Variants in ANKRA2 observed in about 807,000 individuals in gnomAD.
ANKRA2 encodes ankyrin repeat family A member 2.
ANKRA2 carries 33 observed loss-of-function variants against 37.8 expected under a neutral mutation model. The ratio of observed to expected loss-of-function variants is 0.87; its 90% confidence interval spans 0.66 to 1.17. The LOEUF (loss-of-function observed/expected upper bound fraction) is 1.17. ANKRA2 is among the 50% of genes most tolerant of loss of function. ANKRA2 has a pLI of 0.00. For synonymous variants in ANKRA2, 126 were observed against 132.3 expected, an observed-to-expected ratio of 0.95 and a Z score of 0.33; for missense variants, 326 against 373.7, an observed-to-expected ratio of 0.87 and a Z score of 1.05.
intron 3 of ANKRA2, among the ~76,000 whole-genome samples, chr5:73,560,717 TG>T (rs1273632712): frequency 6.6e-6 from 1 of 152,068 alleles, no homozygotes; most frequent in African/African-American, 2.4e-5. Context: ...TAGTCACCAT[TG>T]TGTACAACAG....
In ANKRA2 at chr5:73,552,742, CATTT is replaced by C; in HGVS notation, c.*51_*54del. On this transcript the variant is annotated 3_prime_UTR_variant, in exon 9 of 9. Coordinates refer to ENST00000296785, the MANE Select transcript of ANKRA2 (RefSeq NM_023039.5). The stretch of plus-strand genomic sequence containing the variant: ...AAAATTTATAAGTAAACAAAACTAT[CATTT>C]ATAAGGACCAAGAAGTAAACAAAAG... 1 of 1,487,982 alleles carries C rather than the reference CATTT, an allele frequency of 6.7e-7. No individual in the cohort carries two copies. The highest frequency in any genetic ancestry group is 9.3e-7 in the Non-Finnish European group (1 of 1,078,574). 92.2% of individuals were successfully genotyped at this position (1,487,982 alleles called of 1,614,324 possible). A position where few individuals can be genotyped will look rare whatever the true frequency, so the allele number is the denominator to read the frequency against.
At chr5:73,561,419 G>T in intron 2 of ANKRA2, 131 bp from the exon 3 acceptor site, 3 of 853,902 alleles carry the variant, frequency 3.5e-6, no homozygotes, top group Admixed American at 3.3e-5. Flanking sequence ...ATACTAAATT[G>T]TTTTTATCAT....
Position 73,555,226 on chromosome 5 carries a change from T to C in ANKRA2, c.613-240A>G, listed in dbSNP as rs1213883660. The C allele has an allele frequency of 3.8e-6, 5 of 1,305,032 alleles. No individual in the cohort carries two copies. In the Admixed American group the frequency reaches 1.5e-4, roughly 39 times the overall value. 80.8% of individuals were successfully genotyped at this position (1,305,032 alleles called of 1,614,324 possible). A position where few individuals can be genotyped will look rare whatever the true frequency, so the allele number is the denominator to read the frequency against. On this transcript the variant is annotated intron_variant, in intron 5 of 8. Coordinates refer to ENST00000296785, the MANE Select transcript of ANKRA2 (RefSeq NM_023039.5). ...CTGGAGTCAAGTCACAGCTCCTCCATGAAGCCTTCTCCTTCAAAGCTGACA... is the reference window on the plus strand; with the variant it reads ...CTGGAGTCAAGTCACAGCTCCTCCACGAAGCCTTCTCCTTCAAAGCTGACA...
chr5:73,555,987 A>G (rs2112010091), intron 4 of ANKRA2, among the ~76,000 whole-genome samples: 1 of 152,322 alleles, frequency 6.6e-6, no homozygotes, highest in East Asian at 1.9e-4. Flanking sequence ...ATCAACGTAC[A>G]GTTGGGAGGA....
Position 73,557,592 on chromosome 5 carries a change from G to T in ANKRA2, c.497C>A (p.Ala166Asp). Residue 166 changes from alanine to aspartate, a missense_variant, in exon 4 of 9, where the codon GCT becomes GAT. This residue lies in a region of ANKRA2 where 228 missense variants were observed against 260.2 expected (regional missense o/e 0.88). Coordinates refer to ENST00000296785, the MANE Select transcript of ANKRA2 (RefSeq NM_023039.5). ...GCTATTACCTTGTTCGATACGAGTAGCCAGATAGAGCATCTCTCCCTGAGC... is the reference window on the plus strand; with the variant it reads ...GCTATTACCTTGTTCGATACGAGTATCCAGATAGAGCATCTCTCCCTGAGC... ...LAAQGEMLYL[A>D]TRIEQENVIN... The T allele has an allele frequency of 6.2e-7, 1 of 1,608,644 alleles. No individual in the cohort carries two copies. Among genetic ancestry groups the T allele is most frequent in the South Asian group, 1.1e-5 (1 of 90,720 alleles).
intron 3 of ANKRA2, among the ~76,000 whole-genome samples, chr5:73,558,793 A>G (rs943533439): frequency 3.9e-5 from 6 of 152,160 alleles, no homozygotes; most frequent in Non-Finnish European, 8.8e-5. Context: ...TCAGCCTCCC[A>G]AAGTGCTAGG....
At chr5:73,558,306 T>C (rs1747456916) in intron 3 of ANKRA2, among the ~76,000 whole-genome samples, 1 of 152,024 alleles carries the variant, frequency 6.6e-6, no homozygotes, top group African/African-American at 2.4e-5. Context: ...AAATTGGTAT[T>C]ATCAATGAAA....
At chr5:73,562,414 A>T in intron 2 of ANKRA2, 179 bp downstream of exon 2, 1 of 531,550 alleles carries the variant, frequency 1.9e-6, no homozygotes, top group Non-Finnish European at 3.2e-6. Context: ...TACTTCCTTT[A>T]AATTAGATAT....
intron 3 of ANKRA2, among the ~76,000 whole-genome samples, chr5:73,558,699 G>A (rs954439601): frequency 3.3e-5 from 5 of 152,112 alleles, no homozygotes; most frequent in Admixed American, 6.6e-5. Context: ...ACCACATCCA[G>A]ATAATTTTCA....
intron 7 of ANKRA2, among the ~76,000 whole-genome samples, chr5:73,553,689 T>C (rs533297681): frequency 1.3e-5 from 2 of 152,310 alleles, no homozygotes; most frequent in East Asian, 3.9e-4. Flanking sequence ...CAGCATCCTT[T>C]AGAGCAGCTG....
At position 73,565,177 on chromosome 5, in the gene ANKRA2, C is replaced by G. The variant is rs1747695153; in HGVS notation, c.-150G>C. ...TCCCGAGACAGGAGCCCGCTGTCTCCCGCTGGAGGGGAGACTCTTGCAGGA... is the reference window on the plus strand; with the variant it reads ...TCCCGAGACAGGAGCCCGCTGTCTCGCGCTGGAGGGGAGACTCTTGCAGGA... On this transcript the variant is annotated 5_prime_UTR_variant, in exon 1 of 9. Transcript: ENST00000296785. The G allele has an allele frequency of 6.6e-6, 1 of 152,252 alleles. No individual in the cohort carries two copies. The highest frequency in any genetic ancestry group is 1.9e-4 in the East Asian group (1 of 5,166). The allele number at this position is 152,252 out of a possible 1,614,324, so 9.4% of individuals were successfully genotyped here. A position where few individuals can be genotyped will look rare whatever the true frequency, so the allele number is the denominator to read the frequency against.
chr5:73,556,565 G>A (rs1747401629), intron 4 of ANKRA2, among the ~76,000 whole-genome samples: 1 of 152,114 alleles, frequency 6.6e-6, no homozygotes, highest in Non-Finnish European at 1.5e-5. Flanking sequence ...TTATAATCTT[G>A]AAATGGGAAA....
chr5:73,560,046 G>A (rs1436527417), intron 3 of ANKRA2, among the ~76,000 whole-genome samples: 1 of 152,118 alleles, frequency 6.6e-6, no homozygotes, highest in Admixed American at 6.5e-5. Context: ...TTACAGGTGT[G>A]ACACGCCGTG....
chr5:73,562,722 A>G lies in ANKRA2; in HGVS notation c.160T>C (p.Phe54Leu). ...SAQGVAMGMKFILPNRFDMNV... is the reference protein window; with the variant it reads ...SAQGVAMGMKLILPNRFDMNV... ...ATATCAAATCGGTTAGGCAATATGA[A>G]TTTCATTCCCATGGCAACACCCTGA... Residue 54 changes from phenylalanine to leucine, a missense_variant, in exon 2 of 9, where the codon TTC becomes CTC. By Grantham distance (22) the Phe-to-Leu change is conservative (BLOSUM62 0). Transcript: ENST00000296785. The G allele has an allele frequency of 6.2e-7, 1 of 1,614,180 alleles. No individual in the cohort carries two copies. The highest frequency in any genetic ancestry group is 8.5e-7 in the Non-Finnish European group (1 of 1,180,026).
chr5:73,556,056 T>C (rs939346201), intron 4 of ANKRA2, among the ~76,000 whole-genome samples: 6 of 152,230 alleles, frequency 3.9e-5, no homozygotes, highest in Admixed American at 6.5e-5. Flanking sequence ...TATAAACTTA[T>C]TGAATCTTAT....
Position 73,552,744 on chromosome 5 carries a change from T to A in ANKRA2, c.*53A>T. On this transcript the variant is annotated 3_prime_UTR_variant, in exon 9 of 9. Transcript: ENST00000296785. The stretch of plus-strand genomic sequence containing the variant: ...AATTTATAAGTAAACAAAACTATCA[T>A]TTATAAGGACCAAGAAGTAAACAAA... 1 of 1,498,760 alleles carries A rather than the reference T, an allele frequency of 6.7e-7. No homozygotes were observed. The highest frequency in any genetic ancestry group is 1.2e-5 in the South Asian group (1 of 84,208). The allele number at this position is 1,498,760 out of a possible 1,614,324, so 92.8% of individuals were successfully genotyped here.
intron 3 of ANKRA2, among the ~76,000 whole-genome samples, chr5:73,558,815 G>A (rs1747469417): frequency 6.6e-6 from 1 of 152,236 alleles, no homozygotes; most frequent in South Asian, 2.1e-4. Context: ...TTATAGGCAT[G>A]AGCCACTGCG....
At chr5:73,557,137 T>C (rs1368274537) in intron 4 of ANKRA2, among the ~76,000 whole-genome samples, 1 of 151,220 alleles carries the variant, frequency 6.6e-6, no homozygotes, top group African/African-American at 2.4e-5. Context: ...GTACATGCAA[T>C]ACAATGCACA....
intron 2 of ANKRA2, among the ~76,000 whole-genome samples, chr5:73,562,121 A>G (rs1222360284): frequency 6.6e-6 from 1 of 152,042 alleles, no homozygotes; most frequent in Non-Finnish European, 1.5e-5. Context: ...GGTTCAAGCA[A>G]TTCTTGTACC....
Sources: gnomAD v4.1 joint callset for allele counts (sites outside exome capture counted in the v4.1 genomes callset) on GRCh38, gnomAD v4.1.1 for gene constraint, gnomAD v4.1.1 regional missense constraint, MANE v1.5 for transcripts, NCBI Gene and HGNC (gene_info 2026-07-23, HGNC 2026-07-21) for gene names.